Variants in USP9Y observed in about 807,000 individuals in gnomAD.
USP9Y encodes the protein ubiquitin specific peptidase 9 Y-linked, also known as ubiquitin carboxyl-terminal hydrolase 9Y.
In USP9Y, 41 loss-of-function variants were observed where a neutral mutation model predicts 53.1. That is an observed-to-expected ratio of 0.77 (90% CI 0.60 to 1.00). The LOEUF is 1.00. Among genes scored for constraint, USP9Y ranks in the 50% least tolerant of loss-of-function variants. The pLI is 0.00. For synonymous variants in USP9Y, 220 were observed against 173.7 expected, an observed-to-expected ratio of 1.27 and a Z score of -2.09; for missense variants, 567 against 535.8, an observed-to-expected ratio of 1.06 and a Z score of -0.58.
At chrY:12,713,877 A>G (rs1603195639) in intron 3 of USP9Y, among the ~76,000 whole-genome samples, 1 of 18,480 alleles carries the variant, frequency 5.4e-5, no homozygotes, top group African/African-American at 2.0e-4. Context: ...GGACTTTTTT[A>G]GTTATAATTG....
chrY:12,855,991 T>C (rs2148293548), intron 42 of USP9Y, among the ~76,000 whole-genome samples: 1 of 32,220 alleles, frequency 3.1e-5, no homozygotes, highest in Admixed American at 2.9e-4. Flanking sequence ...AAAAGAAATA[T>C]GAAAAATTAT....
intron 28 of USP9Y, 92 bp downstream of exon 28, chrY:12,810,379 G>T: frequency 4.4e-6 from 1 of 226,865 alleles, no homozygotes; most frequent in Non-Finnish European, 7.2e-6. Context: ...ATTGTATTTA[G>T]AACAGGCATA....
intron 5 of USP9Y, among the ~76,000 whole-genome samples, chrY:12,723,167 GA>G (rs2053437416): frequency 7.0e-5 from 2 of 28,718 alleles, no homozygotes; most frequent in Non-Finnish European, 1.6e-4. Flanking sequence ...TTCTTAAAAA[GA>G]AAAACGTCTT....
At chrY:12,705,848 A>T (rs2053419066) in intron 1 of USP9Y, among the ~76,000 whole-genome samples, 4 of 33,376 alleles carry the variant, frequency 1.2e-4, no homozygotes, top group African/African-American at 4.7e-4. Context: ...TGAGTCTCTT[A>T]TAGGGAAGGA....
At chrY:12,833,901 T>C in intron 34 of USP9Y, 40 bp downstream of exon 34, 1 of 309,150 alleles carries the variant, frequency 3.2e-6, no homozygotes, top group Non-Finnish European at 4.6e-6. Flanking sequence ...CTTCGTGTTG[T>C]TTTTTTTTTA....
intron 12 of USP9Y, among the ~76,000 whole-genome samples, chrY:12,752,208 T>C: frequency 3.0e-5 from 1 of 33,059 alleles, no homozygotes; most frequent in East Asian, 7.8e-4. Flanking sequence ...GGGGAGAATT[T>C]TGGCATGGAT....
At chrY:12,702,302 A>G in intron 1 of USP9Y, among the ~76,000 whole-genome samples, 1 of 34,040 alleles carries the variant, frequency 2.9e-5, no homozygotes, top group Admixed American at 2.7e-4. Context: ...AACAACAAAC[A>G]TATCTTTTCG....
intron 15 of USP9Y, among the ~76,000 whole-genome samples, chrY:12,770,141 G>T (rs2053484524): frequency 3.0e-5 from 1 of 33,458 alleles, no homozygotes; most frequent in Non-Finnish European, 7.4e-5. Context: ...GTCAGGCATG[G>T]TATCTCACGC....
rs2053496959 is a variant in USP9Y at position 12,779,622 on chromosome Y, G to C, written c.3127G>C (p.Val1043Leu). The C allele has an allele frequency of 2.5e-6, 1 of 395,545 alleles. No individual in the cohort carries two copies. Among genetic ancestry groups the C allele is most frequent in the South Asian group, 3.0e-5 (1 of 33,581 alleles). The change falls in exon 22 of 46, where the codon GTA (valine) becomes CTA (leucine). Residue 1043 changes from valine to leucine, a missense_variant. Coordinates refer to ENST00000338981, the MANE Select transcript of USP9Y (RefSeq NM_004654.4). ...GCCACCTCTTAGAGATGGAGCAAGA[G>C]TACTTATGAAACTTATGCCACCAGG... ...NMPPLRDGAR[V>L]LMKLMPPDRT...
intron 27 of USP9Y, among the ~76,000 whole-genome samples, chrY:12,794,108 C>T (rs2053511021): frequency 6.0e-5 from 2 of 33,538 alleles, no homozygotes; most frequent in South Asian, 1.3e-3. Context: ...ACACTCCCAA[C>T]CTCACCTTAC....
intron 40 of USP9Y, among the ~76,000 whole-genome samples, 197 bp from the exon 41 acceptor site, chrY:12,846,736 T>G: frequency 2.4e-4 from 8 of 33,708 alleles, no homozygotes; most frequent in African/African-American, 8.1e-4. Context: ...ATGAAATGCT[T>G]AGTGTAAAAA....
At chrY:12,782,458 T>C (rs2053499040) in intron 22 of USP9Y, among the ~76,000 whole-genome samples, 4 of 33,876 alleles carry the variant, frequency 1.2e-4, no homozygotes, top group Non-Finnish European at 2.2e-4. Flanking sequence ...GGTTGCCAGA[T>C]ACATTGTCAA....
At position 12,847,052 on chromosome Y, in the gene USP9Y, G is replaced by A; in HGVS notation, c.6874G>A (p.Glu2292Lys). The A allele has an allele frequency of 2.5e-6, 1 of 398,252 alleles. No individual in the cohort carries two copies. The highest frequency in any genetic ancestry group is 3.5e-6 in the Non-Finnish European group (1 of 283,056). The change falls in exon 41 of 46, where the codon GAA becomes AAA. Residue 2292 changes from glutamate (E) to lysine (K), a missense_variant. Glu to Lys is a moderately conservative substitution (Grantham distance 56). Coordinates refer to ENST00000338981, the MANE Select transcript of USP9Y (RefSeq NM_004654.4). The part of the protein sequence containing the change: ...VRTSYVKKII[E>K]DCSNSEDTIK... Reference sequence around the variant, plus strand: ...AACAAGTTATGTGAAGAAAATTATTGAAGACTGCAGTAACTCAGAGGATAC... The same window carrying A: ...AACAAGTTATGTGAAGAAAATTATTAAAGACTGCAGTAACTCAGAGGATAC...
At chrY:12,751,075 T>C (rs766992437) in intron 12 of USP9Y, among the ~76,000 whole-genome samples, 3 of 31,668 alleles carry the variant, frequency 9.5e-5, no homozygotes, top group Admixed American at 2.9e-4. Flanking sequence ...TGGCACAATC[T>C]TGGCTCATTG....
At chrY:12,729,426 G>A in intron 7 of USP9Y, among the ~76,000 whole-genome samples, 1 of 33,128 alleles carries the variant, frequency 3.0e-5, no homozygotes, top group African/African-American at 1.2e-4. Flanking sequence ...CCTTATTTAT[G>A]GATTTTTCAG....
chrY:12,811,247 G>A (rs2053530406), intron 29 of USP9Y, among the ~76,000 whole-genome samples: 1 of 33,572 alleles, frequency 3.0e-5, no homozygotes, highest in African/African-American at 1.2e-4. Context: ...TTGGGCTTCA[G>A]GTTAGCTGCT....
chrY:12,847,931 T>C (rs2053568535), intron 42 of USP9Y, among the ~76,000 whole-genome samples: 3 of 33,729 alleles, frequency 8.9e-5, no homozygotes, highest in Non-Finnish European at 1.5e-4. Flanking sequence ...AGTGCCTCAG[T>C]AAACAAACAT....
intron 1 of USP9Y, 99 bp from the exon 2 acceptor site, chrY:12,708,535 T>C: frequency 2.9e-5 from 1 of 34,102 alleles, no homozygotes; most frequent in Admixed American, 2.7e-4. Context: ...TAAAAAATTA[T>C]CTTAAAAGCC....
chrY:12,729,354 AC>A (rs2053445373), intron 7 of USP9Y, among the ~76,000 whole-genome samples: 2 of 34,568 alleles, frequency 5.8e-5, no homozygotes, highest in South Asian at 1.2e-3. Flanking sequence ...CAAATATTAT[AC>A]TTTCTGTTGG....
Sources: allele counts gnomAD v4.1 joint callset (sites outside exome capture counted in the v4.1 genomes callset), GRCh38; gene constraint gnomAD v4.1.1; transcripts MANE v1.5; gene names NCBI Gene and HGNC (gene_info 2026-07-23, HGNC 2026-07-21).